HTT: variants seen among roughly 807,000 people sequenced by gnomAD.
The protein encoded by HTT is huntingtin, also known as huntington disease protein.
A neutral mutation model predicts 362.3 loss-of-function variants in HTT; 104 were observed. The observed-to-expected ratio is 0.29, with a 90% CI of 0.24 to 0.34. The LOEUF is 0.34. Ranked by LOEUF, HTT falls within the 10% of genes least tolerant of loss-of-function variation. The probability of loss-of-function intolerance (pLI) is 1.00; values close to 1 mark genes in which losing one functional copy is unlikely to be tolerated. For synonymous variants in HTT, 1,577 were observed against 1,548.7 expected (o/e 1.02, Z -0.43); for missense variants, 3,301 against 3,928.6 (o/e 0.84, Z 4.27).
chr4:3,208,671 T>A lies in HTT; in HGVS notation c.6153-102T>A, dbSNP rs915198653. On this transcript the variant is annotated intron_variant, in intron 45 of 66. Coordinates refer to ENST00000355072, the MANE Select transcript of HTT (RefSeq NM_001388492.1). The stretch of plus-strand genomic sequence containing the variant: ...AGAAGCCACTAATAGTGCATCTCCT[T>A]AGAGTGTATATTTCTAGAATCCTAG... The A allele has an allele frequency of 4.4e-6, 5 of 1,143,756 alleles. No individual in the cohort carries two copies. The African/African-American group carries it at 6.4e-5, about 15-fold the overall frequency. 70.9% of individuals were successfully genotyped at this position (1,143,756 alleles called of 1,614,324 possible). A position where few individuals can be genotyped will look rare whatever the true frequency, so the allele number is the denominator to read the frequency against.
At position 3,228,195 on chromosome 4, in the gene HTT, C is replaced by G. The variant is rs1344617801; in HGVS notation, c.7849-420C>G. 6.6e-6 allele frequency among the ~76,000 whole-genome samples: 1 copy of G among 152,156 alleles called. No homozygotes were observed. The highest frequency in any genetic ancestry group is 6.5e-5 in the Admixed American group (1 of 15,280). ...TGGCTGCGTGATCTAGAGCGCGGGT[C>G]ACAAAGGCGCGAGGGAGCTCTGGCC... On this transcript the variant is annotated intron_variant, in intron 57 of 66. Transcript: ENST00000355072. The surrounding 1 kb of genome is among the most constrained non-coding windows in gnomAD (Gnocchi z 4.3).
At chr4:3,179,378 C>T (rs1353674304) in intron 35 of HTT, among the ~76,000 whole-genome samples, 1 of 152,158 alleles carries the variant, frequency 6.6e-6, no homozygotes, top group Non-Finnish European at 1.5e-5. Flanking sequence ...GGCAACCACA[C>T]CCAGTACTTT....
chr4:3,173,375 G>A, intron 31 of HTT: 5 of 536,770 alleles, frequency 9.3e-6, no homozygotes, highest in South Asian at 8.3e-5. Flanking sequence ...AGAGGTGGGG[G>A]TAGAGGAGGA....
intron 36 of HTT, among the ~76,000 whole-genome samples, 184 bp from the exon 37 acceptor site, chr4:3,182,170 T>C (rs1177773924): frequency 6.6e-6 from 1 of 152,250 alleles, no homozygotes. Flanking sequence ...TTCGTTCTGA[T>C]TCCCCTACAT....
chr4:3,116,602 G>A (rs1315358379), intron 8 of HTT, among the ~76,000 whole-genome samples: 2 of 152,192 alleles, frequency 1.3e-5, no homozygotes, highest in African/African-American at 2.4e-5. Context: ...TCTGGGATAG[G>A]GGCTGGGTAT....
chr4:3,217,742 T>C, intron 51 of HTT, 23 bp from the exon 52 acceptor site: 1 of 1,593,802 alleles, frequency 6.3e-7, no homozygotes, highest in Non-Finnish European at 8.6e-7. Flanking sequence ...TAAAAAGTCC[T>C]CTCTTAACCG....
At chr4:3,147,025 T>C in intron 25 of HTT, 77 bp downstream of exon 25, 2 of 1,395,712 alleles carry the variant, frequency 1.4e-6, no homozygotes, top group Non-Finnish European at 2.0e-6. Flanking sequence ...GTGGTGAGCA[T>C]ATGAGGGGAA....
chr4:3,125,357 G>A (rs1231828507), intron 10 of HTT, among the ~76,000 whole-genome samples, 192 bp from the exon 11 acceptor site: 1 of 152,042 alleles, frequency 6.6e-6, no homozygotes, highest in African/African-American at 2.4e-5. Context: ...GACTTTAATA[G>A]CATTCTAAAC....
At chr4:3,212,414 G>T (rs139454515) in intron 48 of HTT, 150 bp from the exon 49 acceptor site, 2 of 1,056,206 alleles carry the variant, frequency 1.9e-6, no homozygotes, top group Non-Finnish European at 2.8e-6. Context: ...CCCAAACCAC[G>T]TGCAGTCCTG....
At chr4:3,085,591 C>A (rs998972475) in intron 1 of HTT, among the ~76,000 whole-genome samples, 1 of 152,204 alleles carries the variant, frequency 6.6e-6, no homozygotes, top group Non-Finnish European at 1.5e-5. Context: ...TAGAACAAGT[C>A]AGTTTGAGTT....
In HTT at chr4:3,211,119, G is replaced by A. The variant is rs191180132; in HGVS notation, c.6415-810G>A. Among the ~76,000 whole-genome samples the A allele has an allele frequency of 2.6e-5, 4 of 151,322 alleles. No individual in the cohort carries two copies. In the East Asian group the frequency reaches 7.8e-4, roughly 29 times the overall value. The stretch of plus-strand genomic sequence containing the variant: ...GGATTTCACCATGTTGGCCAGGCTG[G>A]TCTCAAACTCCTGACCTCAGGTGAT... On this transcript the variant is annotated intron_variant, in intron 47 of 66. Coordinates refer to ENST00000355072, the MANE Select transcript of HTT (RefSeq NM_001388492.1).
intron 46 of HTT, among the ~76,000 whole-genome samples, chr4:3,209,184 G>T (rs1187875334): frequency 1.3e-5 from 2 of 152,160 alleles, no homozygotes; most frequent in African/African-American, 2.4e-5. Context: ...GCCCCTGACT[G>T]CACAGGCCTT....
chr4:3,169,372 C>G (rs2110228138), intron 29 of HTT, among the ~76,000 whole-genome samples: 1 of 152,166 alleles, frequency 6.6e-6, no homozygotes, highest in East Asian at 1.9e-4. Context: ...CCTTTTTTCC[C>G]TCTCTTAAAG....
chr4:3,078,956 T>C (rs533966166), intron 1 of HTT, among the ~76,000 whole-genome samples: 29 of 152,324 alleles, frequency 1.9e-4, no homozygotes, highest in Middle Eastern at 6.8e-3. Flanking sequence ...AGGATGATCT[T>C]GATCTCCTGA....
Position 3,206,424 on chromosome 4 carries a change from C to A in HTT, c.5719-72C>A. 8.2e-7 allele frequency: 1 copy of A among 1,217,048 alleles called. No homozygotes were observed. Among genetic ancestry groups the A allele is most frequent in the African/African-American group, 1.5e-5 (1 of 66,776 alleles). The allele number at this position is 1,217,048 out of a possible 1,614,324, so 75.4% of individuals were successfully genotyped here. A position where few individuals can be genotyped will look rare whatever the true frequency, so the allele number is the denominator to read the frequency against. Reference sequence around the variant, plus strand: ...TTTTCTCCTTCTTACCCTTTCTGGCCTTTCTATGGCATTAATACCTGGTCT... The same window carrying A: ...TTTTCTCCTTCTTACCCTTTCTGGCATTTCTATGGCATTAATACCTGGTCT... On this transcript the variant is annotated intron_variant, in intron 42 of 66. Coordinates refer to ENST00000355072, the MANE Select transcript of HTT (RefSeq NM_001388492.1). The surrounding 1 kb of genome is among the most constrained non-coding windows in gnomAD (Gnocchi z 4.6).
chr4:3,154,060 C>T (rs1212980814), intron 26 of HTT, among the ~76,000 whole-genome samples: 2 of 152,174 alleles, frequency 1.3e-5, no homozygotes, highest in Non-Finnish European at 2.9e-5. Flanking sequence ...ATTCTCTGTG[C>T]ACCTGTTAGG....
At chr4:3,143,436 CAA>C (rs1056047426) in intron 23 of HTT, among the ~76,000 whole-genome samples, 5 of 70,218 alleles carry the variant, frequency 7.1e-5, no homozygotes, top group Admixed American at 4.9e-4. Flanking sequence ...GACTCTGTCT[CAA>C]AAAAAAAAAA....
At position 3,235,546 on chromosome 4, in the gene HTT, G is replaced by A; in HGVS notation, c.8572-19G>A. On this transcript the variant is annotated intron_variant, in intron 62 of 66. Transcript: ENST00000355072. ...CTGTGCAGCGATTCTTTGACACAGA[G>A]GCCTTTCTCCCTGTGCAGATGTGTG... The A allele has an allele frequency of 1.2e-6, 2 of 1,610,652 alleles. No homozygotes were observed. Among genetic ancestry groups the A allele is most frequent in the Non-Finnish European group, 1.7e-6 (2 of 1,177,074 alleles).
At chr4:3,106,682 GT>G (rs145027973) in intron 5 of HTT, among the ~76,000 whole-genome samples, 5,610 of 151,446 alleles carry the variant, frequency 0.037, 162 homozygotes, top group South Asian at 0.071. Flanking sequence ...CCTCCTGATG[GT>G]TTTTTTTTCC....
Sources: gnomAD v4.1 joint callset for allele counts (sites outside exome capture counted in the v4.1 genomes callset) on GRCh38, gnomAD v4.1.1 for gene constraint, Gnocchi (gnomAD v3.1) non-coding constraint, MANE v1.5 for transcripts, NCBI Gene and HGNC (gene_info 2026-07-23, HGNC 2026-07-21) for gene names.